CSF2RB: variants seen among roughly 807,000 people sequenced by gnomAD.
CSF2RB encodes the protein colony stimulating factor 2 receptor subunit beta.
In CSF2RB, 22 loss-of-function variants were observed where a neutral mutation model predicts 67.2. The observed-to-expected ratio is 0.33, with a 90% CI of 0.23 to 0.47. The LOEUF (loss-of-function observed/expected upper bound fraction) is 0.47. CSF2RB is among the 20% of genes least tolerant of loss of function. The pLI, the probability that CSF2RB is intolerant of heterozygous loss-of-function variation, is 1.00. For synonymous variants in CSF2RB, 507 were observed against 482.9 expected (o/e 1.05, Z -0.65); for missense variants, 1,113 against 1,174.5 (o/e 0.95, Z 0.76).
chr22:36,936,753 T>A, intron 13 of CSF2RB, 101 bp downstream of exon 13: 2 of 1,010,908 alleles, frequency 2.0e-6, no homozygotes, highest in Non-Finnish European at 3.0e-6. Context: ...TGTGGCTCAC[T>A]GTGAAGGGAT....
intron 7 of CSF2RB, 46 bp from the exon 8 acceptor site, chr22:36,930,627 C>G (rs144034620): frequency 1.9e-6 from 3 of 1,611,570 alleles, no homozygotes; most frequent in Middle Eastern, 2.1e-4. Flanking sequence ...TCCTCCCTCC[C>G]GTGTGCCCTC....
At chr22:36,933,239 C>G (rs1454307651) in intron 9 of CSF2RB, among the ~76,000 whole-genome samples, 4 of 152,230 alleles carry the variant, frequency 2.6e-5, no homozygotes, top group Non-Finnish European at 5.9e-5. Flanking sequence ...GTTATTTCCT[C>G]AGAGGAATCT....
chr22:36,935,351 T>C lies in CSF2RB; in HGVS notation c.1316T>C (p.Val439Ala), dbSNP rs1441653880. ...CCTCTTTCTCCCCGGCTGCTGGAAG[T>C]GCTGCCTATGTGGGTGCTGGCCCTC... ...SEARSWDTESVLPMWVLALIV... is the reference protein window; with the variant it reads ...SEARSWDTESALPMWVLALIV... Residue 439 changes from valine (V) to alanine (A), a missense_variant and splice_region_variant, in exon 11 of 14, where the codon GTG (valine) becomes GCG (alanine). Around this residue, in one of 2 missense-constraint regions of CSF2RB, gnomAD observed 559 missense variants for 656.5 expected, o/e 0.85. Transcript: ENST00000403662. The C allele has an allele frequency of 3.7e-6, 6 of 1,614,058 alleles. No individual in the cohort carries two copies. The highest frequency in any genetic ancestry group is 5.1e-6 in the Non-Finnish European group (6 of 1,180,006).
In CSF2RB at chr22:36,940,015, G is replaced by A. The variant is rs983033858; in HGVS notation, c.*1513G>A. On this transcript the variant is annotated 3_prime_UTR_variant, in exon 14 of 14. Coordinates refer to ENST00000403662, the MANE Select transcript of CSF2RB (RefSeq NM_000395.3). ...TGAGACTGAGGTGCCTTTTGGTACT[G>A]AAATTCTTTTTCCATGTACCTGAAG... is the stretch of plus-strand genomic sequence containing the variant. 2.0e-5 allele frequency: 3 copies of A among 152,190 alleles called. No homozygotes were observed. Among genetic ancestry groups the A allele is most frequent in the African/African-American group, 7.2e-5 (3 of 41,456 alleles). The allele number at this position is 152,190 out of a possible 1,614,324, so 9.4% of individuals were successfully genotyped here.
In CSF2RB at chr22:36,937,226, C is replaced by T; in HGVS notation, c.1569-151C>T. 1.0e-6 allele frequency: 1 copy of T among 997,990 alleles called. No homozygotes were observed. The highest frequency in any genetic ancestry group is 2.6e-5 in the East Asian group (1 of 38,994). 61.8% of individuals were successfully genotyped at this position (997,990 alleles called of 1,614,324 possible). On this transcript the variant is annotated intron_variant, in intron 13 of 13. Transcript: ENST00000403662. The surrounding 1 kb of genome is among the most constrained non-coding windows in gnomAD (Gnocchi z 4.6). ...TGTCCTTCTCTGGGGCCCCTGCTCCCTCAACCCTGTCCCGTTCAGGTTCTC... is the reference window on the plus strand; with the variant it reads ...TGTCCTTCTCTGGGGCCCCTGCTCCTTCAACCCTGTCCCGTTCAGGTTCTC...
At chr22:36,921,916 C>T (rs1052800119) in intron 1 of CSF2RB, 120 bp from the exon 2 acceptor site, 10 of 548,300 alleles carry the variant, frequency 1.8e-5, no homozygotes, top group African/African-American at 1.1e-4. Flanking sequence ...CTTCATGCCG[C>T]AGGAGACTGA....
At position 36,937,237 on chromosome 22, in the gene CSF2RB, C is replaced by A; in HGVS notation, c.1569-140C>A. ...GGGGCCCCTGCTCCCTCAACCCTGTCCCGTTCAGGTTCTCTCTGTGAGATC... is the reference window on the plus strand; with the variant it reads ...GGGGCCCCTGCTCCCTCAACCCTGTACCGTTCAGGTTCTCTCTGTGAGATC... On this transcript the variant is annotated intron_variant, in intron 13 of 13. Transcript: ENST00000403662. This position sits in a 1 kb window ranked among gnomAD's most constrained non-coding sequence, Gnocchi z 4.6. 2.8e-6 allele frequency: 3 copies of A among 1,074,540 alleles called. No individual in the cohort carries two copies. The highest frequency in any genetic ancestry group is 4.1e-6 in the Non-Finnish European group (3 of 731,012). The allele number at this position is 1,074,540 out of a possible 1,614,324, so 66.6% of individuals were successfully genotyped here.
intron 12 of CSF2RB, 48 bp from the exon 13 acceptor site, chr22:36,936,501 C>A: frequency 1.3e-6 from 2 of 1,570,248 alleles, no homozygotes; most frequent in Non-Finnish European, 1.8e-6. Context: ...CTTGCCCCCA[C>A]CTCGGACCTC....
At chr22:36,934,073 C>A (rs1024855553) in intron 10 of CSF2RB, 79 bp downstream of exon 10, 2 of 1,553,286 alleles carry the variant, frequency 1.3e-6, no homozygotes, top group South Asian at 1.1e-5. Context: ...CCCAATGCAG[C>A]AGCCGTAGCA....
rs535683931 is a variant in CSF2RB, at chr22:36,937,286, G to A, written c.1569-91G>A. The A allele has an allele frequency of 3.3e-4, 500 of 1,503,308 alleles. 5 individuals carry two copies. The South Asian group carries it at 5.2e-3, about 16-fold the overall frequency. The allele number at this position is 1,503,308 out of a possible 1,614,324, so 93.1% of individuals were successfully genotyped here. A position where few individuals can be genotyped will look rare whatever the true frequency, so the allele number is the denominator to read the frequency against. ...TCTGGGGGACATCAGGGCTTCCAGA[G>A]AACCATCTCCACCCCACCAAGACCC... On this transcript the variant is annotated intron_variant, in intron 13 of 13. Coordinates refer to ENST00000403662, the MANE Select transcript of CSF2RB (RefSeq NM_000395.3). The surrounding 1 kb of genome is among the most constrained non-coding windows in gnomAD (Gnocchi z 4.6).
Position 36,935,352 on chromosome 22 carries a change from G to A in CSF2RB, c.1317G>A (p.Val439=). 6.2e-7 allele frequency: 1 copy of A among 1,614,176 alleles called. No individual in the cohort carries two copies. The highest frequency in any genetic ancestry group is 8.5e-7 in the Non-Finnish European group (1 of 1,180,014). Residue 439 remains valine, a splice_region_variant and synonymous_variant, in exon 11 of 14, where the codon GTG becomes GTA. Transcript: ENST00000403662. ...CTCTTTCTCCCCGGCTGCTGGAAGT[G>A]CTGCCTATGTGGGTGCTGGCCCTCA... ...SEARSWDTES[V]LPMWVLALIV... is the part of the protein sequence containing the mutation.
chr22:36,922,394 C>G (rs915155630), intron 2 of CSF2RB, 111 bp downstream of exon 2: 26 of 1,000,870 alleles, frequency 2.6e-5, no homozygotes, highest in East Asian at 7.9e-5. Flanking sequence ...CCTCCTGCTC[C>G]CCTCCCTCTG....
intron 1 of CSF2RB, among the ~76,000 whole-genome samples, chr22:36,918,971 A>T (rs556055330): frequency 6.6e-6 from 1 of 152,340 alleles, no homozygotes; most frequent in East Asian, 1.9e-4. Context: ...GAGGGACAAA[A>T]ATGAACCCCT....
At chr22:36,920,351 A>G (rs551299181) in intron 1 of CSF2RB, among the ~76,000 whole-genome samples, 1 of 152,322 alleles carries the variant, frequency 6.6e-6, no homozygotes, top group East Asian at 1.9e-4. Context: ...CCTAATCCCC[A>G]ATGTGAGAAT....
chr22:36,919,433 GAC>G (rs1205447730), intron 1 of CSF2RB, among the ~76,000 whole-genome samples: 1 of 151,896 alleles, frequency 6.6e-6, no homozygotes, highest in African/African-American at 2.4e-5. Context: ...GTTTTTTTGA[GAC>G]AGAGTCTCAG....
intron 3 of CSF2RB, among the ~76,000 whole-genome samples, 187 bp downstream of exon 3, chr22:36,923,554 C>T (rs764456377): frequency 1.3e-5 from 2 of 152,194 alleles, no homozygotes; most frequent in Non-Finnish European, 2.9e-5. Context: ...CGGGTGCTGC[C>T]GTCTGACCTG....
Position 36,940,295 on chromosome 22 carries a change from T to G in CSF2RB, c.*1793T>G, listed in dbSNP as rs1022765302. 2 of 152,206 alleles carry G rather than the reference T, an allele frequency of 1.3e-5. No individual in the cohort carries two copies. The highest frequency in any genetic ancestry group is 3.8e-4 in the East Asian group (2 of 5,198). 9.4% of individuals were successfully genotyped at this position (152,206 alleles called of 1,614,324 possible). On this transcript the variant is annotated 3_prime_UTR_variant, in exon 14 of 14. Transcript: ENST00000403662. ...ATGGTCCTGAAATACATAACAACAT[T>G]TTAGTACATTGTAAAGTAGAATCCT...
At chr22:36,936,733 T>A in intron 13 of CSF2RB, 81 bp downstream of exon 13, 1 of 1,246,222 alleles carries the variant, frequency 8.0e-7, no homozygotes, top group Non-Finnish European at 1.1e-6. Flanking sequence ...GGGACTCAAG[T>A]GAGGCTGCCT....
At position 36,938,899 on chromosome 22, in the gene CSF2RB, A is replaced by G. The variant is rs1601596210; in HGVS notation, c.*397A>G. ...GCTGAGGTCTGAGCTGAGCCTTATC[A>G]GACTGAGATGCGGCTGGTTGTGTTG... On this transcript the variant is annotated 3_prime_UTR_variant, in exon 14 of 14. Transcript: ENST00000403662. 1.0e-5 allele frequency: 6 copies of G among 581,470 alleles called. No homozygotes were observed. Among genetic ancestry groups the G allele is most frequent in the Non-Finnish European group, 1.8e-5 (6 of 326,262 alleles). 36.0% of individuals were successfully genotyped at this position (581,470 alleles called of 1,614,324 possible).
Sources: allele counts gnomAD v4.1 joint callset (sites outside exome capture counted in the v4.1 genomes callset), GRCh38; gene constraint gnomAD v4.1.1; regional missense constraint gnomAD v4.1.1; non-coding constraint Gnocchi (gnomAD v3.1); transcripts MANE v1.5; gene names NCBI Gene and HGNC (gene_info 2026-07-23, HGNC 2026-07-21).